Variants in RCOR1 observed in about 807,000 individuals in gnomAD.
RCOR1 encodes REST corepressor 1.
A neutral mutation model predicts 64.0 loss-of-function variants in RCOR1; 12 were observed. That is an observed-to-expected ratio of 0.19 (90% CI 0.12 to 0.30). The LOEUF (loss-of-function observed/expected upper bound fraction) is 0.30, where lower values mean the gene tolerates loss of function less well. RCOR1 is among the 10% of genes least tolerant of loss of function. RCOR1 has a pLI of 1.00. For missense variants in RCOR1, 502 were observed against 621.2 expected, an observed-to-expected ratio of 0.81 and a Z score of 2.04; for synonymous variants, 279 against 227.2, an observed-to-expected ratio of 1.23 and a Z score of -2.05.
chr14:102,632,361 G>GCC (rs903954222), intron 2 of RCOR1, among the ~76,000 whole-genome samples: 2 of 151,310 alleles, frequency 1.3e-5, no homozygotes, highest in Non-Finnish European at 2.9e-5. Context: ...GGGACTACAG[G>GCC]CCCCCACCAC....
Position 102,726,616 on chromosome 14 carries a change from A to G in RCOR1, c.*110A>G, listed in dbSNP as rs569295194. 2.1e-6 allele frequency: 2 copies of G among 955,756 alleles called. No homozygotes were observed. The highest frequency in any genetic ancestry group is 3.2e-6 in the Non-Finnish European group (2 of 622,414). The allele number at this position is 955,756 out of a possible 1,614,324, so 59.2% of individuals were successfully genotyped here. A position where few individuals can be genotyped will look rare whatever the true frequency, so the allele number is the denominator to read the frequency against. On this transcript the variant is annotated 3_prime_UTR_variant, in exon 12 of 12. Transcript: ENST00000262241. ...ATCACATCTCTCTGGACAAGCAGCT[A>G]TTACCAAAAAAGGCATATACTTCCA...
chr14:102,710,285 C>T (rs1041573729), intron 6 of RCOR1, among the ~76,000 whole-genome samples: 1 of 152,188 alleles, frequency 6.6e-6, no homozygotes, highest in Non-Finnish European at 1.5e-5. Context: ...TTTACAGTTG[C>T]ATTCCTACCT....
chr14:102,693,015 C>G (rs1231192742), intron 3 of RCOR1, among the ~76,000 whole-genome samples: 2 of 152,102 alleles, frequency 1.3e-5, no homozygotes, highest in African/African-American at 4.8e-5. Context: ...ATTGACCTGC[C>G]TCAGCCTCTC....
At chr14:102,627,957 A>AGG (rs1209962849) in intron 2 of RCOR1, among the ~76,000 whole-genome samples, 8 of 72,302 alleles carry the variant, frequency 1.1e-4, no homozygotes, top group Non-Finnish European at 2.0e-4. Context: ...TAAATTTAAA[A>AGG]GGGGTGTGTG....
intron 2 of RCOR1, among the ~76,000 whole-genome samples, chr14:102,665,841 C>A (rs1397912224): frequency 4.6e-5 from 7 of 152,126 alleles, no homozygotes; most frequent in African/African-American, 1.7e-4. Flanking sequence ...GTGGTTAGCC[C>A]AGTTACTGGC....
At chr14:102,691,595 A>C (rs1332172756) in intron 3 of RCOR1, among the ~76,000 whole-genome samples, 1 of 152,230 alleles carries the variant, frequency 6.6e-6, no homozygotes, top group African/African-American at 2.4e-5. Flanking sequence ...TGTGATTAAA[A>C]TGAGTCTTTT....
intron 11 of RCOR1, among the ~76,000 whole-genome samples, 185 bp downstream of exon 11, chr14:102,722,601 T>C (rs1385439640): frequency 2.6e-5 from 4 of 152,234 alleles, no homozygotes; most frequent in Non-Finnish European, 5.9e-5. Context: ...CTGTATATTA[T>C]TCACATGTTA....
chr14:102,614,536 T>C (rs1893710799), intron 2 of RCOR1, among the ~76,000 whole-genome samples: 1 of 152,186 alleles, frequency 6.6e-6, no homozygotes, highest in Non-Finnish European at 1.5e-5. Flanking sequence ...TCTGGCTCTT[T>C]TTAAATGTCA....
rs984217146 is a variant in RCOR1, at chr14:102,645,115, A to T, written c.362-36780A>T. Among the ~76,000 whole-genome samples the T allele has an allele frequency of 2.0e-5, 3 of 152,182 alleles. No homozygotes were observed. The South Asian group carries it at 6.2e-4, about 31-fold the overall frequency. The stretch of plus-strand genomic sequence containing the variant: ...TTTGTAACCTACTACATTAGACAGG[A>T]ACCACACTTAGCCTGTTTGTGGTAG... On this transcript the variant is annotated intron_variant, in intron 2 of 11. Coordinates refer to ENST00000262241, the MANE Select transcript of RCOR1 (RefSeq NM_015156.4).
At chr14:102,660,559 G>A (rs1055969708) in intron 2 of RCOR1, among the ~76,000 whole-genome samples, 3 of 151,976 alleles carry the variant, frequency 2.0e-5, no homozygotes, top group African/African-American at 4.8e-5. Flanking sequence ...CTGTAGAGAC[G>A]GAGTCTTGCT....
intron 2 of RCOR1, among the ~76,000 whole-genome samples, chr14:102,624,734 C>T (rs1893947338): frequency 6.6e-6 from 1 of 151,886 alleles, no homozygotes; most frequent in South Asian, 2.1e-4. Flanking sequence ...CCCCTACACT[C>T]CAGCCTGGGT....
intron 3 of RCOR1, among the ~76,000 whole-genome samples, 185 bp downstream of exon 3, chr14:102,682,163 T>A (rs1895318650): frequency 6.6e-6 from 1 of 152,252 alleles, no homozygotes; most frequent in Non-Finnish European, 1.5e-5. Context: ...GGATTCTGGC[T>A]CTGTTGCCCA....
chr14:102,711,066 A>G, intron 7 of RCOR1, 53 bp downstream of exon 7: 2 of 1,189,014 alleles, frequency 1.7e-6, no homozygotes, highest in Non-Finnish European at 2.4e-6. Context: ...TACTAGTTTC[A>G]TAAATAAAAC....
At chr14:102,605,249 A>C (rs1893482458) in intron 2 of RCOR1, among the ~76,000 whole-genome samples, 1 of 152,066 alleles carries the variant, frequency 6.6e-6, no homozygotes, top group Non-Finnish European at 1.5e-5. Context: ...ACACCGGTGA[A>C]ATGGGAGGTG....
At chr14:102,715,279 G>T (rs1304453294) in intron 8 of RCOR1, among the ~76,000 whole-genome samples, 1 of 151,800 alleles carries the variant, frequency 6.6e-6, no homozygotes, top group Non-Finnish European at 1.5e-5. Flanking sequence ...TACCATGTTA[G>T]CCAGGATGGT....
intron 2 of RCOR1, among the ~76,000 whole-genome samples, chr14:102,608,171 C>T (rs570114141): frequency 5.9e-5 from 9 of 152,240 alleles, no homozygotes; most frequent in African/African-American, 1.7e-4. Flanking sequence ...TTTCATCACC[C>T]TAAAAAGAAA....
intron 2 of RCOR1, among the ~76,000 whole-genome samples, chr14:102,676,990 C>A (rs1445252765): frequency 1.2e-3 from 104 of 90,216 alleles, no homozygotes; most frequent in African/African-American, 2.9e-3. Context: ...CGGGCAGAGG[C>A]GCCCCTCACC....
intron 6 of RCOR1, among the ~76,000 whole-genome samples, chr14:102,708,954 T>TA (rs1413725601): frequency 2.6e-4 from 39 of 152,232 alleles, no homozygotes; most frequent in Non-Finnish European, 5.9e-5. Context: ...AAATACAACT[T>TA]AGAGTTGCTG....
intron 2 of RCOR1, among the ~76,000 whole-genome samples, chr14:102,599,988 T>A (rs563059695): frequency 6.6e-6 from 1 of 152,024 alleles, no homozygotes; most frequent in East Asian, 1.9e-4. Flanking sequence ...TCTCTAACTC[T>A]TGTGCTCAAG....
Sources: allele counts gnomAD v4.1 joint callset (sites outside exome capture counted in the v4.1 genomes callset), GRCh38; gene constraint gnomAD v4.1.1; transcripts MANE v1.5; gene names NCBI Gene and HGNC (gene_info 2026-07-23, HGNC 2026-07-21).